Variants in SLC33A2 observed in about 807,000 individuals in gnomAD.
SLC33A2 encodes the protein solute carrier family 33 member 2.
chr8:144,510,938 C>CGGGGCT, the SLC33A2 span: 74 of 1,600,178 alleles, frequency 4.6e-5, 2 homozygotes, highest in Non-Finnish European at 2.6e-5. Context: ...AGAGAGACCA[C>CGGGGCT]GGGGCTGGGG....
the SLC33A2 span, chr8:144,509,541 G>A: frequency 6.6e-7 from 1 of 1,522,216 alleles, no homozygotes; most frequent in Middle Eastern, 1.8e-4. Flanking sequence ...GAGGGCCTGG[G>A]TGACGCGCAG....
the SLC33A2 span, chr8:144,510,222 G>A: frequency 7.1e-7 from 1 of 1,402,372 alleles, no homozygotes; most frequent in Non-Finnish European, 9.6e-7. Context: ...GCTCTCTCGG[G>A]CTGCCCCACT....
the SLC33A2 span, chr8:144,510,763 C>G: frequency 6.2e-7 from 1 of 1,609,502 alleles, no homozygotes; most frequent in East Asian, 2.2e-5. Context: ...GGGCCAGGAG[C>G]CTGGGGCACT....
At chr8:144,510,986 C>T in the SLC33A2 span, 2 of 1,600,264 alleles carry the variant, frequency 1.2e-6, no homozygotes, top group East Asian at 2.2e-5. Flanking sequence ...CCCCACCCCC[C>T]TCAGGCCACA....
the SLC33A2 span, chr8:144,511,199 T>G: frequency 1.3e-6 from 2 of 1,595,588 alleles, no homozygotes; most frequent in East Asian, 2.2e-5. Flanking sequence ...AAGCCACATG[T>G]GCCTGTGGCC....
At chr8:144,510,870 G>GA in the SLC33A2 span, 1 of 1,608,946 alleles carries the variant, frequency 6.2e-7, no homozygotes, top group Non-Finnish European at 8.5e-7. Flanking sequence ...CTGGGATGAT[G>GA]CGCTGCAGCC....
At chr8:144,511,119 C>G in the SLC33A2 span, 1 of 1,610,598 alleles carries the variant, frequency 6.2e-7, no homozygotes, top group Non-Finnish European at 8.5e-7. Flanking sequence ...TCCTCTCTGC[C>G]TTTCCCGTTC....
the SLC33A2 span, chr8:144,509,528 G>A: frequency 3.3e-6 from 5 of 1,526,642 alleles, no homozygotes; most frequent in African/African-American, 7.0e-5. Context: ...CGCAGGGCTC[G>A]GCGAGGGCCT....
chr8:144,509,864 C>A, the SLC33A2 span: 13 of 1,538,494 alleles, frequency 8.4e-6, no homozygotes, highest in Non-Finnish European at 1.1e-5. Flanking sequence ...ACTGGCTGGC[C>A]GCGGCCCTGG....
the SLC33A2 span, chr8:144,509,545 C>CG: frequency 6.6e-7 from 1 of 1,520,036 alleles, no homozygotes; most frequent in East Asian, 2.5e-5. Context: ...GCCTGGGTGA[C>CG]GCGCAGCACG....
the SLC33A2 span, chr8:144,509,743 C>A: frequency 6.4e-7 from 1 of 1,567,870 alleles, no homozygotes; most frequent in Non-Finnish European, 8.6e-7. Flanking sequence ...CCGGGCAATA[C>A]CGTGCAGGTG....
chr8:144,509,246 G>A, the SLC33A2 span: 46 of 1,313,136 alleles, frequency 3.5e-5, no homozygotes, highest in Non-Finnish European at 4.0e-5. Context: ...GCCGGGGTGT[G>A]GCCTCTGACC....
the SLC33A2 span, chr8:144,510,173 G>A: frequency 2.0e-5 from 25 of 1,273,916 alleles, no homozygotes; most frequent in Non-Finnish European, 1.6e-5. Context: ...GCTGGGCCTT[G>A]TGTCTTGTCC....
chr8:144,510,514 C>T, the SLC33A2 span: 1 of 1,612,502 alleles, frequency 6.2e-7, no homozygotes, highest in Non-Finnish European at 8.5e-7. Flanking sequence ...ACTGGTGAGC[C>T]CTCCCCAGTG....
At chr8:144,510,034 C>A in the SLC33A2 span, 1 of 1,583,858 alleles carries the variant, frequency 6.3e-7, no homozygotes, top group Non-Finnish European at 8.5e-7. Flanking sequence ...GGCCTCGAGC[C>A]AGGCAACAGC....
chr8:144,510,681 A>T, the SLC33A2 span: 98 of 1,560,802 alleles, frequency 6.3e-5, no homozygotes, highest in African/African-American at 1.2e-3. Flanking sequence ...TTCCACCTGG[A>T]CACCCTGGGG....
chr8:144,510,897 C>T, the SLC33A2 span: 3 of 1,605,442 alleles, frequency 1.9e-6, no homozygotes, highest in Non-Finnish European at 2.5e-6. Context: ...CCCCCAGGGC[C>T]CTGCAGGTGA....
At chr8:144,509,721 G>T in the SLC33A2 span, 1 of 1,567,686 alleles carries the variant, frequency 6.4e-7, no homozygotes. Context: ...GCTGGAGCCG[G>T]CCGAACTGGG....
At chr8:144,509,596 C>T in the SLC33A2 span, 11 of 1,542,850 alleles carry the variant, frequency 7.1e-6, no homozygotes, top group Non-Finnish European at 9.6e-6. Context: ...GCCGGGCTGC[C>T]CCCTCCTGGA....
Sources: allele counts gnomAD v4.1 joint callset, GRCh38; gene constraint gnomAD v4.1.1; transcripts MANE v1.5; gene names NCBI Gene and HGNC (gene_info 2026-07-23, HGNC 2026-07-21).